Variants in ABLIM1 observed in about 807,000 individuals in gnomAD.
The protein encoded by ABLIM1 is actin binding LIM protein 1, also known as actin-binding LIM protein 1.
In ABLIM1, 40 loss-of-function variants were observed where a neutral mutation model predicts 107.0. The observed-to-expected ratio is 0.37, with a 90% CI of 0.29 to 0.49. The LOEUF is 0.49. Ranked by LOEUF, ABLIM1 falls within the 20% of genes least tolerant of loss-of-function variation. ABLIM1 has a pLI of 0.97. For missense variants in ABLIM1, 857 were observed against 1,008.5 expected (o/e 0.85, Z 2.04); for synonymous variants, 357 against 357.3 (o/e 1.00, Z 0.01).
At chr10:114,610,236 T>C (rs967634133) in intron 1 of ABLIM1, among the ~76,000 whole-genome samples, 11 of 152,252 alleles carry the variant, frequency 7.2e-5, no homozygotes, top group Non-Finnish European at 1.2e-4. Context: ...CAGGGTGAGA[T>C]AGCAAGGAAA....
intron 5 of ABLIM1, among the ~76,000 whole-genome samples, chr10:114,546,494 C>A (rs1215236335): frequency 1.3e-5 from 2 of 151,934 alleles, no homozygotes; most frequent in Non-Finnish European, 2.9e-5. Flanking sequence ...GAGGTTTCAC[C>A]ATATTGGCCA....
chr10:114,452,527 T>C (rs922533013), intron 13 of ABLIM1, among the ~76,000 whole-genome samples: 9 of 152,028 alleles, frequency 5.9e-5, no homozygotes, highest in Non-Finnish European at 1.0e-4. Flanking sequence ...TTAGGTAAGT[T>C]TAGAAGCAAA....
At chr10:114,733,510 T>C (rs1414421801) in intron 1 of ABLIM1, among the ~76,000 whole-genome samples, 8 of 152,194 alleles carry the variant, frequency 5.3e-5, no homozygotes, top group African/African-American at 1.9e-4. Flanking sequence ...AAGTCAGCCT[T>C]CTTGTAGCAT....
rs369013450 is a variant in ABLIM1 at position 114,542,482 on chromosome 10, A to G, written c.894+2523T>C. On this transcript the variant is annotated intron_variant, in intron 6 of 22. Coordinates refer to ENST00000533213, the MANE Select transcript of ABLIM1 (RefSeq NM_002313.7). ...AAGAAGATGATGATGAAGAAGGAAG[A>G]AAGATGAAAGAAGAAGGAAGAAAGA... Among the ~76,000 whole-genome samples the G allele has an allele frequency of 8.9e-4, 135 of 151,664 alleles. 3 individuals are homozygous for G. The South Asian group carries it at 0.027, about 31-fold the overall frequency.
chr10:114,526,433 T>C (rs1010341397), intron 6 of ABLIM1, among the ~76,000 whole-genome samples: 3 of 152,218 alleles, frequency 2.0e-5, no homozygotes, highest in South Asian at 2.1e-4. Context: ...TTCAGTCTAG[T>C]TCTGTATCGA....
At chr10:114,778,454 A>G in the ABLIM1 span, 1 of 152,026 alleles carries the variant, frequency 6.6e-6, no homozygotes, top group Non-Finnish European at 1.5e-5. Flanking sequence ...TGTTTCTACT[A>G]CTACTCTGAT....
intron 1 of ABLIM1, among the ~76,000 whole-genome samples, chr10:114,682,957 T>C (rs1400843922): frequency 2.0e-5 from 3 of 152,218 alleles, no homozygotes; most frequent in Non-Finnish European, 4.4e-5. Flanking sequence ...TTTAAATTCA[T>C]TTAAATAAAG....
intron 6 of ABLIM1, among the ~76,000 whole-genome samples, chr10:114,536,248 T>G (rs1254273637): frequency 3.3e-5 from 3 of 91,770 alleles, no homozygotes; most frequent in South Asian, 4.3e-4. Context: ...TTTTTTTTTT[T>G]TTTTTTTTTT....
intron 1 of ABLIM1, among the ~76,000 whole-genome samples, chr10:114,758,803 T>A (rs953215890): frequency 6.6e-6 from 1 of 152,216 alleles, no homozygotes; most frequent in African/African-American, 2.4e-5. Context: ...TGTGATATTT[T>A]CTTTAGGAAA....
intron 8 of ABLIM1, chr10:114,485,416 C>T (rs376684024): frequency 6.5e-7 from 1 of 1,535,092 alleles, no homozygotes; most frequent in Non-Finnish European, 8.9e-7. Context: ...AGAACGAACA[C>T]AGAAATAGCC....
intron 6 of ABLIM1, among the ~76,000 whole-genome samples, chr10:114,509,512 C>T (rs1427556303): frequency 6.6e-6 from 1 of 152,132 alleles, no homozygotes; most frequent in Non-Finnish European, 1.5e-5. Context: ...CAACCTCTTC[C>T]TCTCCCTCCC....
chr10:114,713,558 C>G (rs917437917), intron 1 of ABLIM1, among the ~76,000 whole-genome samples: 1 of 152,180 alleles, frequency 6.6e-6, no homozygotes, highest in Non-Finnish European at 1.5e-5. Context: ...AAAAAGGCTT[C>G]TAACCTACCA....
chr10:114,460,925 C>G (rs986912742), intron 12 of ABLIM1, among the ~76,000 whole-genome samples: 3 of 152,210 alleles, frequency 2.0e-5, no homozygotes, highest in Non-Finnish European at 4.4e-5. Flanking sequence ...TTTATAGGGC[C>G]TGTGACACTT....
At chr10:114,691,999 A>G (rs2081089499) in intron 1 of ABLIM1, among the ~76,000 whole-genome samples, 1 of 152,130 alleles carries the variant, frequency 6.6e-6, no homozygotes, top group Admixed American at 6.6e-5. Context: ...TGCACTGTTC[A>G]CTCAGTGTGT....
chr10:114,563,568 C>T (rs1053229524), intron 4 of ABLIM1, among the ~76,000 whole-genome samples: 2 of 151,996 alleles, frequency 1.3e-5, no homozygotes, highest in African/African-American at 4.8e-5. Flanking sequence ...GGACTGGTGG[C>T]TAATGCCTGT....
chr10:114,516,997 T>G (rs1347424816), intron 6 of ABLIM1, among the ~76,000 whole-genome samples: 1 of 152,190 alleles, frequency 6.6e-6, no homozygotes, highest in East Asian at 1.9e-4. Flanking sequence ...GACTCCGTTT[T>G]TTTTTGTTGT....
chr10:114,613,007 A>C (rs1281961540), intron 1 of ABLIM1, among the ~76,000 whole-genome samples: 1 of 152,230 alleles, frequency 6.6e-6, no homozygotes, highest in Non-Finnish European at 1.5e-5. Context: ...TCTTTGTGGC[A>C]CAAATCTGTC....
intron 1 of ABLIM1, among the ~76,000 whole-genome samples, chr10:114,642,973 C>A (rs2078817997): frequency 6.6e-6 from 1 of 152,176 alleles, no homozygotes; most frequent in Admixed American, 6.5e-5. Flanking sequence ...TTACACCTGC[C>A]AAAACGTCGT....
At chr10:114,583,939 T>C (rs565568881) in intron 2 of ABLIM1, among the ~76,000 whole-genome samples, 5 of 151,838 alleles carry the variant, frequency 3.3e-5, no homozygotes, top group Non-Finnish European at 7.4e-5. Context: ...GACATAAAGA[T>C]GGGAACAATG....
Sources: allele counts gnomAD v4.1 joint callset (sites outside exome capture counted in the v4.1 genomes callset), GRCh38; gene constraint gnomAD v4.1.1; transcripts MANE v1.5; gene names NCBI Gene and HGNC (gene_info 2026-07-23, HGNC 2026-07-21).